Variants in CSF1R observed in about 807,000 individuals in gnomAD.
CSF1R encodes the protein macrophage colony-stimulating factor 1 receptor.
CSF1R carries 40 observed loss-of-function variants against 110.0 expected under a neutral mutation model. That is an observed-to-expected ratio of 0.36 (90% CI 0.28 to 0.47). The LOEUF is 0.47. Ranked by LOEUF, CSF1R falls within the 20% of genes least tolerant of loss-of-function variation. The pLI is 0.99. For missense variants in CSF1R, 1,052 were observed against 1,253.0 expected (o/e 0.84, Z 2.42); for synonymous variants, 523 against 503.4 (o/e 1.04, Z -0.52).
chr5:150,092,510 A>G (rs2113853738), intron 1 of CSF1R, among the ~76,000 whole-genome samples: 1 of 152,298 alleles, frequency 6.6e-6, no homozygotes, highest in African/African-American at 2.4e-5. Context: ...GGTGATTTCT[A>G]AAGGAAAGGA....
intron 1 of CSF1R, among the ~76,000 whole-genome samples, chr5:150,092,102 T>C (rs952060621): frequency 6.6e-6 from 1 of 152,220 alleles, no homozygotes; most frequent in Non-Finnish European, 1.5e-5. Context: ...CATACGGTCT[T>C]TGGGGCAACT....
chr5:150,062,100 C>A (rs1377742862), intron 10 of CSF1R, among the ~76,000 whole-genome samples: 1 of 152,078 alleles, frequency 6.6e-6, no homozygotes, highest in Non-Finnish European at 1.5e-5. Flanking sequence ...TATTGAAGAC[C>A]TTGGACAAGA....
rs78036517 is a variant in CSF1R, at chr5:150,081,537, C to T, written c.50-513G>A. ...GGTCCCAAGAATCTCCTGGTGTGCC[C>T]GCTCCCACCAATGGACATCTGGTCT... On this transcript the variant is annotated intron_variant, in intron 1 of 20. Transcript: ENST00000675795. Among the ~76,000 whole-genome samples, 511 of 152,188 alleles carry T rather than the reference C, an allele frequency of 3.4e-3. 4 individuals carry two copies. The highest frequency in any genetic ancestry group is 0.012 in the African/African-American group (484 of 41,528).
At chr5:150,079,613 C>A (rs1232099601) in intron 3 of CSF1R, among the ~76,000 whole-genome samples, 1 of 152,236 alleles carries the variant, frequency 6.6e-6, no homozygotes, top group African/African-American at 2.4e-5. Flanking sequence ...TCTTTCCATA[C>A]CTAGAACATT....
chr5:150,102,314 A>T (rs1759427575), intron 1 of CSF1R, among the ~76,000 whole-genome samples: 1 of 152,144 alleles, frequency 6.6e-6, no homozygotes, highest in Non-Finnish European at 1.5e-5. Context: ...TGATCTTTAA[A>T]ATTATTCGCA....
intron 1 of CSF1R, among the ~76,000 whole-genome samples, chr5:150,112,386 A>T (rs1047136151): frequency 2.0e-5 from 3 of 152,210 alleles, no homozygotes; most frequent in African/African-American, 4.8e-5. Flanking sequence ...TAACTGTTGG[A>T]TAGTGGTAGT....
At chr5:150,096,620 A>G (rs1184863875) in intron 1 of CSF1R, among the ~76,000 whole-genome samples, 1 of 152,220 alleles carries the variant, frequency 6.6e-6, no homozygotes, top group Non-Finnish European at 1.5e-5. Context: ...TATATATAAA[A>G]AGGATAATGC....
At position 150,060,801 on chromosome 5, in the gene CSF1R, G is replaced by A. The variant is rs995154207; in HGVS notation, c.1969+61C>T. 4.5e-6 allele frequency: 5 copies of A among 1,103,828 alleles called. No homozygotes were observed. The African/African-American group carries it at 4.7e-5, about 10-fold the overall frequency. 68.4% of individuals were successfully genotyped at this position (1,103,828 alleles called of 1,614,324 possible). A position where few individuals can be genotyped will look rare whatever the true frequency, so the allele number is the denominator to read the frequency against. ...GGAGAAGACGGAACAAGGTAGCCCTGGGGCCCTGAGATTCCCCAGAGGCCC... is the reference window on the plus strand; with the variant it reads ...GGAGAAGACGGAACAAGGTAGCCCTAGGGCCCTGAGATTCCCCAGAGGCCC... On this transcript the variant is annotated intron_variant, in intron 13 of 20. Transcript: ENST00000675795.
At chr5:150,109,058 G>GCCCCCCCCCCCC (rs60014782) in intron 1 of CSF1R, among the ~76,000 whole-genome samples, 30 of 119,710 alleles carry the variant, frequency 2.5e-4, no homozygotes, top group Non-Finnish European at 3.9e-4. Flanking sequence ...GGAGAAGCCC[G>GCCCCCCCCCCCC]CCCCCCCCCC....
rs1757044987 is a variant in CSF1R, at chr5:150,053,862, C to T, written c.*207G>A. ...GGGGGGGTGAGGGCTCAGCCCCCAG[C>T]CCCTGACTGGCAGTGATGGCCCATG... On this transcript the variant is annotated 3_prime_UTR_variant, in exon 21 of 21. Transcript: ENST00000675795. 8 of 609,400 alleles carry T rather than the reference C, an allele frequency of 1.3e-5. No homozygotes were observed. In the South Asian group the frequency reaches 1.6e-4, roughly 12 times the overall value. 37.7% of individuals were successfully genotyped at this position (609,400 alleles called of 1,614,324 possible).
At chr5:150,108,315 T>G (rs1198096238) in intron 1 of CSF1R, among the ~76,000 whole-genome samples, 1 of 152,050 alleles carries the variant, frequency 6.6e-6, no homozygotes, top group Non-Finnish European at 1.5e-5. Context: ...GACCTTCAGC[T>G]ATAAAAGACT....
chr5:150,098,195 A>G (rs1475550183), intron 1 of CSF1R, among the ~76,000 whole-genome samples: 1 of 151,984 alleles, frequency 6.6e-6, no homozygotes, highest in Non-Finnish European at 1.5e-5. Context: ...TGCAAAAAGA[A>G]AAAAATAAAA....
chr5:150,094,510 G>A (rs1458075720), intron 1 of CSF1R: 42 of 1,599,788 alleles, frequency 2.6e-5, no homozygotes, highest in Non-Finnish European at 3.2e-5. Context: ...ACTGAAATTC[G>A]AATGGCGAGG....
intron 5 of CSF1R, among the ~76,000 whole-genome samples, chr5:150,076,336 ATCTATCTATC>A (rs1758259221): frequency 7.6e-6 from 1 of 131,894 alleles, no homozygotes; most frequent in Non-Finnish European, 1.6e-5. Context: ...CTATCTATCT[ATCTATCTATC>A]TATCTATCTA....
At chr5:150,077,142 C>T in intron 5 of CSF1R, 134 bp downstream of exon 5, 2 of 1,173,714 alleles carry the variant, frequency 1.7e-6, no homozygotes, top group Non-Finnish European at 2.5e-6. Flanking sequence ...CTTAGCCAGG[C>T]CTTGGATAAA....
At chr5:150,055,373 T>A (rs747749785) in intron 18 of CSF1R, 37 bp from the exon 19 acceptor site, 18 of 1,564,368 alleles carry the variant, frequency 1.2e-5, no homozygotes, top group Non-Finnish European at 1.4e-5. Context: ...GCCATGCCCA[T>A]TGTCTTCTCC....
At chr5:150,110,269 G>A (rs1416489151) in intron 1 of CSF1R, among the ~76,000 whole-genome samples, 1 of 152,160 alleles carries the variant, frequency 6.6e-6, no homozygotes, top group Non-Finnish European at 1.5e-5. Flanking sequence ...GGGGAACAAT[G>A]CAGCAGTAGA....
Position 150,086,360 on chromosome 5 carries a change from C to T in CSF1R, c.49+19G>A. On this transcript the variant is annotated intron_variant, in intron 1 of 20. Transcript: ENST00000675795. ...CATCACACCCCAACAAAGTCCCCCACCCCCCGTTCTGCTCTTACCATGCCA... is the reference window on the plus strand; with the variant it reads ...CATCACACCCCAACAAAGTCCCCCATCCCCCGTTCTGCTCTTACCATGCCA... 6.3e-7 allele frequency: 1 copy of T among 1,594,754 alleles called. No individual in the cohort carries two copies. Among genetic ancestry groups the T allele is most frequent in the Non-Finnish European group, 8.5e-7 (1 of 1,169,688 alleles).
chr5:150,077,504 C>T (rs1371534041), intron 4 of CSF1R, 69 bp from the exon 5 acceptor site: 2 of 1,513,908 alleles, frequency 1.3e-6, no homozygotes, highest in Non-Finnish European at 1.8e-6. Flanking sequence ...GGGTTCCAAT[C>T]CTCAGCCTTT....
Sources: gnomAD v4.1 joint callset for allele counts (sites outside exome capture counted in the v4.1 genomes callset) on GRCh38, gnomAD v4.1.1 for gene constraint, MANE v1.5 for transcripts, NCBI Gene and HGNC (gene_info 2026-07-23, HGNC 2026-07-21) for gene names.